Variants in TM9SF2 observed in about 807,000 individuals in gnomAD.
TM9SF2 encodes 76 kDa membrane protein.
In TM9SF2, 13 loss-of-function variants were observed where a neutral mutation model predicts 84.9. The observed-to-expected ratio is 0.15, with a 90% CI of 0.10 to 0.24. The LOEUF is 0.24. Ranked by LOEUF, TM9SF2 falls within the 10% of genes least tolerant of loss-of-function variation. The pLI is 1.00. For missense variants in TM9SF2, 562 were observed against 818.5 expected (o/e 0.69, Z 3.82); for synonymous variants, 273 against 285.8 (o/e 0.96, Z 0.45).
At chr13:99,527,105 G>C (rs1594051170) in intron 3 of TM9SF2, among the ~76,000 whole-genome samples, 1 of 152,126 alleles carries the variant, frequency 6.6e-6, no homozygotes, top group African/African-American at 2.4e-5. Flanking sequence ...ATAGTGGAAG[G>C]GATTAAGCAG....
Position 99,520,135 on chromosome 13 carries a change from T to C in TM9SF2, c.333+6T>C. ...TTGAACCTTCACCATATAAGGTTTG[T>C]ATTTAGTGTTACATAATAATTATTT... is the stretch of plus-strand genomic sequence containing the variant. On this transcript the variant is annotated splice_donor_region_variant and intron_variant, in intron 3 of 16. Coordinates refer to ENST00000376387, the MANE Select transcript of TM9SF2 (RefSeq NM_004800.3). The C allele has an allele frequency of 1.9e-6, 3 of 1,596,880 alleles. No individual in the cohort carries two copies. The highest frequency in any genetic ancestry group is 2.6e-6 in the Non-Finnish European group (3 of 1,171,808).
chr13:99,541,324 A>C (rs1392744670), intron 8 of TM9SF2, among the ~76,000 whole-genome samples: 1 of 152,226 alleles, frequency 6.6e-6, no homozygotes, highest in Non-Finnish European at 1.5e-5. Context: ...ATGTACCAAA[A>C]AATTCTAGTT....
intron 16 of TM9SF2, among the ~76,000 whole-genome samples, chr13:99,560,201 A>G (rs532445219): frequency 2.6e-5 from 4 of 152,348 alleles, no homozygotes; most frequent in Non-Finnish European, 5.9e-5. Flanking sequence ...CGAAGCGTGC[A>G]TCTAAAATGT....
chr13:99,503,177 G>A (rs2046074066), intron 1 of TM9SF2, among the ~76,000 whole-genome samples: 1 of 152,168 alleles, frequency 6.6e-6, no homozygotes, highest in South Asian at 2.1e-4. Flanking sequence ...AAATATTTTA[G>A]TAACCAACCT....
chr13:99,525,848 C>T (rs1191036549), intron 3 of TM9SF2, among the ~76,000 whole-genome samples: 5 of 152,182 alleles, frequency 3.3e-5, no homozygotes, highest in African/African-American at 9.6e-5. Context: ...AGCCACCGCG[C>T]CCGGCCAGGA....
At chr13:99,518,811 A>G (rs1594047855) in intron 2 of TM9SF2, among the ~76,000 whole-genome samples, 2 of 136,420 alleles carry the variant, frequency 1.5e-5, no homozygotes, top group South Asian at 4.6e-4. Flanking sequence ...ATGGAGTACC[A>G]CTCTGTTGTC....
chr13:99,558,842 T>C (rs950394378), intron 15 of TM9SF2, among the ~76,000 whole-genome samples: 1 of 152,204 alleles, frequency 6.6e-6, no homozygotes, highest in Non-Finnish European at 1.5e-5. Context: ...GTGTTCTCTT[T>C]TAAAAGATCT....
At chr13:99,502,144 C>T (rs1372981296) in intron 1 of TM9SF2, among the ~76,000 whole-genome samples, 2 of 152,222 alleles carry the variant, frequency 1.3e-5, no homozygotes, top group Non-Finnish European at 2.9e-5. Flanking sequence ...TGTTCGCTCA[C>T]AGCCCTGTAA....
intron 7 of TM9SF2, 28 bp from the exon 8 acceptor site, chr13:99,540,686 C>G (rs918441353): frequency 1.3e-6 from 2 of 1,591,294 alleles, no homozygotes; most frequent in African/African-American, 2.7e-5. Context: ...CAGATGTTTA[C>G]TTAAAGAGAT....
At chr13:99,527,378 G>C (rs2046188424) in intron 3 of TM9SF2, among the ~76,000 whole-genome samples, 1 of 152,126 alleles carries the variant, frequency 6.6e-6, no homozygotes, top group Non-Finnish European at 1.5e-5. Context: ...ATGGCAGAAG[G>C]GGAGGCAACC....
At chr13:99,519,736 A>G in intron 2 of TM9SF2, 1 of 197,778 alleles carries the variant, frequency 5.1e-6, no homozygotes, top group South Asian at 1.2e-4. Flanking sequence ...AAGGATCTAA[A>G]TAATTTTATT....
intron 1 of TM9SF2, among the ~76,000 whole-genome samples, chr13:99,512,762 A>G (rs1054531316): frequency 6.6e-6 from 1 of 152,210 alleles, no homozygotes; most frequent in Non-Finnish European, 1.5e-5. Flanking sequence ...AAAGGTTAAA[A>G]TGGAATTTAA....
At chr13:99,504,901 C>T (rs1314622234) in intron 1 of TM9SF2, among the ~76,000 whole-genome samples, 2 of 152,062 alleles carry the variant, frequency 1.3e-5, no homozygotes, top group African/African-American at 4.8e-5. Flanking sequence ...ACTTGTAGGG[C>T]CTTTAGATTG....
chr13:99,545,869 C>G lies in TM9SF2; in HGVS notation c.1151-1116C>G, dbSNP rs147900289. Among the ~76,000 whole-genome samples the G allele has an allele frequency of 1.4e-3, 213 of 152,256 alleles. 1 individual carries two copies. Among genetic ancestry groups the G allele is most frequent in the Non-Finnish European group, 2.3e-3 (158 of 68,016 alleles). ...CGTGAGCTACCACACCCAGCCAACT[C>G]CTGCTTTCAAATCTTATTAGGAGCT... On this transcript the variant is annotated intron_variant, in intron 10 of 16. Transcript: ENST00000376387.
In TM9SF2 at chr13:99,536,672, C is replaced by G; in HGVS notation, c.526C>G (p.Pro176Ala). 6.2e-7 allele frequency: 1 copy of G among 1,613,712 alleles called. No homozygotes were observed. The highest frequency in any genetic ancestry group is 2.2e-5 in the East Asian group (1 of 44,838). Residue 176 changes from proline (P) to alanine (A), a missense_variant, in exon 5 of 17, where the codon CCT (proline) becomes GCT (alanine). Coordinates refer to ENST00000376387, the MANE Select transcript of TM9SF2 (RefSeq NM_004800.3). ...DVEDGQRFCN[P>A]GFPIGCYITD... ...TGAAGATGGTCAGAGGTTCTGTAAT[C>G]CTGGATTTCCTATTGGCTGTTACAT...
intron 10 of TM9SF2, 82 bp downstream of exon 10, chr13:99,544,077 C>G: frequency 6.7e-7 from 1 of 1,488,432 alleles, no homozygotes; most frequent in South Asian, 1.2e-5. Flanking sequence ...TCTGGCCGGG[C>G]ATGGTGGCTC....
intron 10 of TM9SF2, among the ~76,000 whole-genome samples, 191 bp from the exon 11 acceptor site, chr13:99,546,794 C>T (rs901006223): frequency 5.3e-5 from 8 of 152,126 alleles, no homozygotes; most frequent in Non-Finnish European, 7.3e-5. Context: ...AAGTTTGCCT[C>T]ATGTATGATC....
intron 13 of TM9SF2, among the ~76,000 whole-genome samples, chr13:99,553,423 T>TTA (rs1171629939): frequency 6.6e-6 from 1 of 152,248 alleles, no homozygotes; most frequent in Non-Finnish European, 1.5e-5. Flanking sequence ...AATTTTTTAA[T>TTA]TACATTGATT....
chr13:99,533,237 T>C (rs2046218609), intron 4 of TM9SF2, among the ~76,000 whole-genome samples: 1 of 152,228 alleles, frequency 6.6e-6, no homozygotes. Flanking sequence ...TACATGCCGA[T>C]GAGAAAACAC....
Sources: allele counts gnomAD v4.1 joint callset (sites outside exome capture counted in the v4.1 genomes callset), GRCh38; gene constraint gnomAD v4.1.1; transcripts MANE v1.5; gene names NCBI Gene and HGNC (gene_info 2026-07-23, HGNC 2026-07-21).